Variants in GNAO1 observed in about 807,000 individuals in gnomAD.
The protein encoded by GNAO1 is guanine nucleotide-binding protein G(o) subunit alpha.
For synonymous variants in GNAO1, 164 were observed against 180.7 expected (o/e 0.91, Z 0.74); for missense variants, 166 against 478.7 (o/e 0.35, Z 6.10).
At chr16:56,213,432 G>T in intron 2 of GNAO1, 2 of 398,014 alleles carry the variant, frequency 5.0e-6, no homozygotes, top group South Asian at 2.6e-4. Context: ...ATCAGCTGGT[G>T]ACAAGTGCTA....
Position 56,252,435 on chromosome 16 carries a change from C to A in GNAO1, c.162-23496C>A, listed in dbSNP as rs1199788831. Among the ~76,000 whole-genome samples the A allele has an allele frequency of 2.0e-5, 3 of 152,342 alleles. No individual in the cohort carries two copies. In the East Asian group the frequency reaches 5.8e-4, roughly 29 times the overall value. On this transcript the variant is annotated intron_variant, in intron 2 of 8. Coordinates refer to ENST00000262493, the MANE Select transcript of GNAO1 (RefSeq NM_020988.3). ...AGGAGAGCAGTTCAGATGAGGTGGG[C>A]ACTCTAGTGCCTTGCTCAGAGCACA...
At position 56,354,718 on chromosome 16, in the gene GNAO1, A is replaced by G; in HGVS notation, c.878-148A>G. The G allele has an allele frequency of 1.8e-6, 1 of 555,726 alleles. No individual in the cohort carries two copies. Among genetic ancestry groups the G allele is most frequent in the East Asian group, 3.0e-5 (1 of 33,120 alleles). 34.4% of individuals were successfully genotyped at this position (555,726 alleles called of 1,614,324 possible). A position where few individuals can be genotyped will look rare whatever the true frequency, so the allele number is the denominator to read the frequency against. On this transcript the variant is annotated intron_variant, in intron 7 of 8. Transcript: ENST00000262493. The surrounding 1 kb of genome is among the most constrained non-coding windows in gnomAD (Gnocchi z 4.3). ...AATTTAAAATGCAACTATGGCTTGG[A>G]ACTGCCCAGCAGTTCCTACTGCTCC...
chr16:56,217,869 G>C (rs1278448375), intron 2 of GNAO1, among the ~76,000 whole-genome samples: 1 of 152,186 alleles, frequency 6.6e-6, no homozygotes, highest in Non-Finnish European at 1.5e-5. Context: ...TCTTATTCCT[G>C]AGTAGCTTAA....
chr16:56,242,982 G>A (rs1364440625), intron 2 of GNAO1, among the ~76,000 whole-genome samples: 1 of 152,064 alleles, frequency 6.6e-6, no homozygotes, highest in Non-Finnish European at 1.5e-5. Context: ...CCTCCTGTTA[G>A]ATCAGAAGGA....
intron 6 of GNAO1, chr16:56,346,283 G>A (rs1676953968): frequency 7.1e-6 from 7 of 985,336 alleles, no homozygotes; most frequent in Non-Finnish European, 7.2e-6. Context: ...ATTTGGCTCC[G>A]TCGTGGATGT....
At chr16:56,239,300 C>G (rs1392779847) in intron 2 of GNAO1, among the ~76,000 whole-genome samples, 1 of 152,236 alleles carries the variant, frequency 6.6e-6, no homozygotes, top group Non-Finnish European at 1.5e-5. Flanking sequence ...TGCAAAGTTG[C>G]ATTGATGCTA....
intron 2 of GNAO1, among the ~76,000 whole-genome samples, chr16:56,251,249 A>T (rs1443673282): frequency 1.3e-5 from 2 of 152,240 alleles, no homozygotes; most frequent in Admixed American, 1.3e-4. Flanking sequence ...GAAATTGGCA[A>T]GTCTGGCCTT....
chr16:56,246,116 A>G (rs751908788), intron 2 of GNAO1, among the ~76,000 whole-genome samples: 26 of 152,130 alleles, frequency 1.7e-4, no homozygotes, highest in Non-Finnish European at 3.1e-4. Context: ...CTGCTGCCTG[A>G]GCTGCTGCCT....
chr16:56,335,976 T>G (rs2037736422), intron 5 of GNAO1, among the ~76,000 whole-genome samples: 1 of 152,044 alleles, frequency 6.6e-6, no homozygotes, highest in Non-Finnish European at 1.5e-5. Flanking sequence ...TCCTTCCCTG[T>G]CCCCCTCTGG....
chr16:56,335,468 C>T (rs957909312), intron 5 of GNAO1, among the ~76,000 whole-genome samples: 3 of 152,196 alleles, frequency 2.0e-5, no homozygotes, highest in African/African-American at 7.2e-5. Context: ...CATGCGTGCA[C>T]TGAGGCCTGC....
chr16:56,257,110 C>A (rs902782646), intron 2 of GNAO1, among the ~76,000 whole-genome samples: 3 of 152,102 alleles, frequency 2.0e-5, no homozygotes, highest in African/African-American at 7.2e-5. Flanking sequence ...GATCAAATGT[C>A]ATGCCCAGTC....
At chr16:56,332,733 C>T (rs1348218446) in intron 4 of GNAO1, among the ~76,000 whole-genome samples, 2 of 152,236 alleles carry the variant, frequency 1.3e-5, no homozygotes, top group Non-Finnish European at 2.9e-5. Context: ...GCATGAGGCT[C>T]GGCCAGCACA....
At chr16:56,313,094 T>G (rs547165933) in intron 3 of GNAO1, among the ~76,000 whole-genome samples, 1 of 152,384 alleles carries the variant, frequency 6.6e-6, no homozygotes, top group Admixed American at 6.5e-5. Flanking sequence ...ATACAAGTTC[T>G]TCACTTATCA....
intron 3 of GNAO1, among the ~76,000 whole-genome samples, chr16:56,304,191 G>A (rs113320173): frequency 7.9e-5 from 12 of 152,248 alleles, no homozygotes; most frequent in African/African-American, 1.2e-4. Context: ...CACCCTCACC[G>A]GGGAGAGCAG....
intron 3 of GNAO1, among the ~76,000 whole-genome samples, chr16:56,287,241 A>G (rs1356324721): frequency 6.6e-6 from 1 of 152,222 alleles, no homozygotes; most frequent in Non-Finnish European, 1.5e-5. Context: ...ACTAGAAGTC[A>G]GGTCCCTTGG....
chr16:56,347,628 C>G, intron 6 of GNAO1: 1 of 962,122 alleles, frequency 1.0e-6, no homozygotes, highest in African/African-American at 2.2e-5. Flanking sequence ...GAGAGGGGCT[C>G]CCCCTGGAAC....
chr16:56,311,787 G>T lies in GNAO1; in HGVS notation c.304-16844G>T, dbSNP rs551553039. On this transcript the variant is annotated intron_variant, in intron 3 of 8. Transcript: ENST00000262493. This position sits in a 1 kb window ranked among gnomAD's most constrained non-coding sequence, Gnocchi z 5.2. Reference sequence around the variant, plus strand: ...CCTCCTGCCCCGCCCAGCACGGCCCGCTGGGACCTCCTTGCCTGGCCCAGC... The same window carrying T: ...CCTCCTGCCCCGCCCAGCACGGCCCTCTGGGACCTCCTTGCCTGGCCCAGC... Among the ~76,000 whole-genome samples, 43 of 152,170 alleles carry T rather than the reference G, an allele frequency of 2.8e-4. No homozygotes were observed. Among genetic ancestry groups the T allele is most frequent in the African/African-American group, 1.0e-3 (42 of 41,524 alleles).
chr16:56,233,234 TATC>T (rs1444694428), intron 2 of GNAO1, among the ~76,000 whole-genome samples: 1 of 152,252 alleles, frequency 6.6e-6, no homozygotes, highest in African/African-American at 2.4e-5. Context: ...TTACTGCTAT[TATC>T]ATAGAATGAG....
At chr16:56,237,768 GA>G (rs373985828) in intron 2 of GNAO1, among the ~76,000 whole-genome samples, 22 of 147,886 alleles carry the variant, frequency 1.5e-4, no homozygotes, top group African/African-American at 2.2e-4. Flanking sequence ...TCTGGCTCCA[GA>G]AAAAAAAAAT....
Sources: allele counts gnomAD v4.1 joint callset (sites outside exome capture counted in the v4.1 genomes callset), GRCh38; gene constraint gnomAD v4.1.1; non-coding constraint Gnocchi (gnomAD v3.1); transcripts MANE v1.5; gene names NCBI Gene and HGNC (gene_info 2026-07-23, HGNC 2026-07-21).